Variants in PRLR observed in about 807,000 individuals in gnomAD.
The protein encoded by PRLR is prolactin receptor, also known as hPRL receptor.
A neutral mutation model predicts 40.2 loss-of-function variants in PRLR; 13 were observed. The observed-to-expected ratio is 0.32, with a 90% CI of 0.21 to 0.51. The LOEUF is 0.51. Among genes scored for constraint, PRLR ranks in the 20% least tolerant of loss-of-function variants. The pLI is 0.97. For missense variants in PRLR, 656 were observed against 747.3 expected (o/e 0.88, Z 1.42); for synonymous variants, 269 against 278.7 (o/e 0.97, Z 0.35).
chr5:35,117,186 C>T (rs1301966083), intron 2 of PRLR, among the ~76,000 whole-genome samples: 1 of 152,192 alleles, frequency 6.6e-6, no homozygotes, highest in Non-Finnish European at 1.5e-5. Flanking sequence ...AGGGCAAGTT[C>T]AGGCTCAGAA....
intron 1 of PRLR, among the ~76,000 whole-genome samples, chr5:35,163,330 T>C (rs1171470209): frequency 6.6e-6 from 1 of 152,214 alleles, no homozygotes; most frequent in Non-Finnish European, 1.5e-5. Context: ...CACACTTTGC[T>C]GTTATTTGCA....
At chr5:35,192,549 G>C (rs1031331976) in intron 1 of PRLR, among the ~76,000 whole-genome samples, 5 of 152,248 alleles carry the variant, frequency 3.3e-5, no homozygotes, top group Non-Finnish European at 5.9e-5. Context: ...GATTTGGGAG[G>C]TGTGAGAGTC....
At chr5:35,147,638 A>G (rs1774218170) in intron 1 of PRLR, among the ~76,000 whole-genome samples, 2 of 152,176 alleles carry the variant, frequency 1.3e-5, no homozygotes, top group Admixed American at 1.3e-4. Context: ...TAAAGAATAA[A>G]TCCTAAAACA....
rs1769186095 is a variant in PRLR at position 35,063,811 on chromosome 5, G to C, written c.*1278C>G. ...GCTTTAGGAAGATTCACCCATTGAT[G>C]AACAGGAGTCCCAGAGGAGCCTGAA... On this transcript the variant is annotated 3_prime_UTR_variant, in exon 10 of 10. Transcript: ENST00000618457. 1 of 152,140 alleles carries C rather than the reference G, an allele frequency of 6.6e-6. No individual in the cohort carries two copies. The highest frequency in any genetic ancestry group is 2.1e-4 in the South Asian group (1 of 4,822). The allele number at this position is 152,140 out of a possible 1,614,324, so 9.4% of individuals were successfully genotyped here.
intron 1 of PRLR, among the ~76,000 whole-genome samples, chr5:35,181,273 A>G (rs1775289121): frequency 6.6e-6 from 1 of 152,166 alleles, no homozygotes; most frequent in African/African-American, 2.4e-5. Context: ...ATCATGCTTA[A>G]TAATCCTGGC....
chr5:35,066,653 C>T (rs1769384200), intron 9 of PRLR, among the ~76,000 whole-genome samples: 1 of 151,826 alleles, frequency 6.6e-6, no homozygotes, highest in Non-Finnish European at 1.5e-5. Flanking sequence ...TTCTCTTCTC[C>T]CCCTTCATCA....
intron 1 of PRLR, among the ~76,000 whole-genome samples, chr5:35,134,605 G>C (rs1773792466): frequency 6.6e-6 from 1 of 152,224 alleles, no homozygotes; most frequent in African/African-American, 2.4e-5. Context: ...TACCCGGCTG[G>C]TTGCCTTCTG....
At chr5:35,204,264 C>T (rs572703723) in intron 1 of PRLR, among the ~76,000 whole-genome samples, 1 of 149,144 alleles carries the variant, frequency 6.7e-6, no homozygotes, top group Non-Finnish European at 1.5e-5. Flanking sequence ...AAAACACACA[C>T]AAGAAGATCA....
intron 3 of PRLR, 40 bp downstream of exon 3, chr5:35,089,511 C>A (rs751643767): frequency 9.0e-6 from 13 of 1,439,656 alleles, no homozygotes; most frequent in Non-Finnish European, 1.3e-5. Flanking sequence ...TTGACAAACA[C>A]CCCAGGCAAT....
rs1561253475 is a variant in PRLR at position 35,061,126 on chromosome 5, A to ATC, written c.*3962_*3963insGA. ...CATACATATCTATATCTATATCTAT[A>ATC]TATATATATAATCCCTATAAGGCAA... On this transcript the variant is annotated 3_prime_UTR_variant, in exon 10 of 10. Coordinates refer to ENST00000618457, the MANE Select transcript of PRLR (RefSeq NM_000949.7). The ATC allele has an allele frequency of 6.6e-6, 1 of 151,964 alleles. No homozygotes were observed. The highest frequency in any genetic ancestry group is 1.5e-5 in the Non-Finnish European group (1 of 68,010). The allele number at this position is 151,964 out of a possible 1,614,324, so 9.4% of individuals were successfully genotyped here.
intron 2 of PRLR, among the ~76,000 whole-genome samples, chr5:35,115,992 GT>G (rs1772992837): frequency 6.6e-6 from 1 of 152,140 alleles, no homozygotes; most frequent in African/African-American, 2.4e-5. Context: ...AAACTGAGCT[GT>G]GTTTCTGTTT....
chr5:35,088,747 G>A (rs1225510389), intron 3 of PRLR, among the ~76,000 whole-genome samples: 3 of 151,960 alleles, frequency 2.0e-5, no homozygotes, highest in Non-Finnish European at 4.4e-5. Context: ...CACAGAGCCC[G>A]CATCAAAAGT....
intron 5 of PRLR, among the ~76,000 whole-genome samples, chr5:35,077,538 AC>A (rs70973027): frequency 0.23 from 34,947 of 152,074 alleles, 5,496 homozygotes; most frequent in African/African-American, 0.44. Flanking sequence ...ATACAGGAGC[AC>A]CCAGATTCAT....
At chr5:35,124,344 C>G (rs915710529) in intron 1 of PRLR, among the ~76,000 whole-genome samples, 6 of 151,608 alleles carry the variant, frequency 4.0e-5, no homozygotes, top group African/African-American at 9.7e-5. Flanking sequence ...ATGGGCCACT[C>G]TGGTAGGAGG....
chr5:35,094,662 C>T (rs1403668521), intron 2 of PRLR, among the ~76,000 whole-genome samples: 1 of 152,062 alleles, frequency 6.6e-6, no homozygotes, highest in African/African-American at 2.4e-5. Context: ...ATACATTCAT[C>T]CGTTGTTTTC....
At position 35,049,081 on chromosome 5, in the gene PRLR, G is replaced by T; in HGVS notation, c.*206C>A. ...ACATTCAATATAATTGTCCCTTTTT[G>T]TGTGGGTTTCCAGCTCCCAGTCAAT... On this transcript the variant is annotated 3_prime_UTR_variant, in exon 9 of 9. Transcript: ENST00000231423. The T allele has an allele frequency of 7.4e-6, 5 of 673,696 alleles. No homozygotes were observed. In the Admixed American group the frequency reaches 1.0e-4, roughly 14 times the overall value. The allele number at this position is 673,696 out of a possible 1,614,324, so 41.7% of individuals were successfully genotyped here. A position where few individuals can be genotyped will look rare whatever the true frequency, so the allele number is the denominator to read the frequency against.
chr5:35,124,864 T>C (rs1174602412), intron 1 of PRLR, among the ~76,000 whole-genome samples: 1 of 152,218 alleles, frequency 6.6e-6, no homozygotes, highest in East Asian at 1.9e-4. Flanking sequence ...CTGCTATCTT[T>C]ATCAGAAGTG....
intron 5 of PRLR, among the ~76,000 whole-genome samples, chr5:35,077,596 A>G (rs1261196620): frequency 6.6e-6 from 1 of 152,184 alleles, no homozygotes; most frequent in African/African-American, 2.4e-5. Flanking sequence ...CTCCCACACA[A>G]TAATAATGGG....
In PRLR at chr5:35,065,523, C is replaced by T; in HGVS notation, c.1435G>A (p.Val479Ile). 1 of 1,614,118 alleles carries T rather than the reference C, an allele frequency of 6.2e-7. No homozygotes were observed. The highest frequency in any genetic ancestry group is 1.3e-5 in the African/African-American group (1 of 75,020). The change falls in exon 10 of 10, where the codon GTA becomes ATA. Residue 479 changes from valine (V) to isoleucine (I), a missense_variant. This residue lies in a region of PRLR where 469 missense variants were observed against 491.5 expected (regional missense o/e 0.95). Coordinates refer to ENST00000618457, the MANE Select transcript of PRLR (RefSeq NM_000949.7). ...EEGKATQQRE[V>I]ESFHSETDQD... ...TCAGTCTCAGAATGGAAGCTTTCTA[C>T]CTCCCTCTGCTGGGTTGCCTTTCCC...
Sources: allele counts gnomAD v4.1 joint callset (sites outside exome capture counted in the v4.1 genomes callset), GRCh38; gene constraint gnomAD v4.1.1; regional missense constraint gnomAD v4.1.1; transcripts MANE v1.5; gene names NCBI Gene and HGNC (gene_info 2026-07-23, HGNC 2026-07-21).